Variants in MTHFD2 observed in about 807,000 individuals in gnomAD.
The protein encoded by MTHFD2 is methylenetetrahydrofolate dehydrogenase (NADP+ dependent) 2, methenyltetrahydrofolate cyclohydrolase.
Under a neutral mutation model 36.8 loss-of-function variants are expected in MTHFD2, and 26 were observed. The ratio of observed to expected loss-of-function variants is 0.71; its 90% CI spans 0.52 to 0.98. The LOEUF is 0.98. MTHFD2 is among the 50% of genes least tolerant of loss of function. The probability of loss-of-function intolerance (pLI) is 0.00; values close to 1 mark genes in which losing one functional copy is unlikely to be tolerated. For synonymous variants in MTHFD2, 164 were observed against 155.2 expected (o/e 1.06, Z -0.42); for missense variants, 373 against 434.0 (o/e 0.86, Z 1.25).
chr2:74,214,050 A>C, intron 7 of MTHFD2, 29 bp from the exon 8 acceptor site: 1 of 1,604,850 alleles, frequency 6.2e-7, no homozygotes. Flanking sequence ...CCATAACTAA[A>C]GCAGCCTGCC....
At chr2:74,205,302 G>C (rs1439287632) in intron 1 of MTHFD2, among the ~76,000 whole-genome samples, 1 of 152,160 alleles carries the variant, frequency 6.6e-6, no homozygotes, top group Non-Finnish European at 1.5e-5. Context: ...TCATGGTGAG[G>C]GGTCAAACAA....
At chr2:74,209,382 A>G (rs1291044489) in intron 4 of MTHFD2, among the ~76,000 whole-genome samples, 1 of 151,678 alleles carries the variant, frequency 6.6e-6, no homozygotes, top group African/African-American at 2.4e-5. Context: ...AGCTGGGACT[A>G]CAGGTGCCCA....
rs1199814554 is a variant in MTHFD2 at position 74,215,423 on chromosome 2, A to AT, written c.*1198dup. On this transcript the variant is annotated 3_prime_UTR_variant, in exon 8 of 8. Coordinates refer to ENST00000394053, the MANE Select transcript of MTHFD2 (RefSeq NM_006636.4). ...TTAAATAGATAATTTTTTTTCTTCTATTTTTTTTTTTTTTTTTGTAGAGAT... is the reference window on the plus strand; with the variant it reads ...TTAAATAGATAATTTTTTTTCTTCTATTTTTTTTTTTTTTTTTTGTAGAGAT... 9,408 of 122,048 alleles carry AT rather than the reference A, an allele frequency of 0.077. 1,058 individuals carry two copies. Among genetic ancestry groups the AT allele is most frequent in the African/African-American group, 0.24 (7,820 of 32,280 alleles). 7.6% of individuals were successfully genotyped at this position (122,048 alleles called of 1,614,324 possible).
At chr2:74,207,915 C>A in intron 3 of MTHFD2, 89 bp downstream of exon 3, 1 of 1,287,358 alleles carries the variant, frequency 7.8e-7, no homozygotes, top group South Asian at 1.4e-5. Context: ...CATCCCCCTC[C>A]TCCTCCCTCT....
chr2:74,212,098 T>C (rs1378860258), intron 7 of MTHFD2, among the ~76,000 whole-genome samples: 2 of 148,996 alleles, frequency 1.3e-5, no homozygotes, highest in East Asian at 4.0e-4. Flanking sequence ...TCCCAAAGTG[T>C]TGGGATTATA....
At chr2:74,207,669 A>C (rs1181156077) in intron 2 of MTHFD2, 35 bp from the exon 3 acceptor site, 1 of 1,579,000 alleles carries the variant, frequency 6.3e-7, no homozygotes, top group African/African-American at 1.3e-5. Context: ...TAAATGCCTC[A>C]AAAATTTTTT....
chr2:74,205,712 G>A lies in MTHFD2; in HGVS notation c.109G>A (p.Ala37Thr). ...PFHLAAVRNE[A>T]VVISGRKLAQ... The stretch of plus-strand genomic sequence containing the variant: ...CTCTGTTGCCTTCTGCAGAAATGAA[G>A]CTGTTGTCATTTCTGGAAGGAAACT... Residue 37 changes from alanine to threonine, a missense_variant, in exon 2 of 8, where the codon GCT becomes ACT. Ala to Thr is a moderately conservative substitution (Grantham distance 58). Around this residue, in one of 2 missense-constraint regions of MTHFD2, gnomAD observed 308 missense variants for 397.8 expected, o/e 0.77. Transcript: ENST00000394053. 2 of 1,613,660 alleles carry A rather than the reference G, an allele frequency of 1.2e-6. No individual in the cohort carries two copies. Among genetic ancestry groups the A allele is most frequent in the Non-Finnish European group, 1.7e-6 (2 of 1,179,920 alleles).
chr2:74,212,002 T>C (rs1694315785), intron 7 of MTHFD2, 136 bp downstream of exon 7: 7 of 722,474 alleles, frequency 9.7e-6, no homozygotes, highest in Non-Finnish European at 1.4e-5. Flanking sequence ...CAGGCTGGAG[T>C]GCAGTGGCGC....
chr2:74,203,610 A>G (rs1231365278), intron 1 of MTHFD2, among the ~76,000 whole-genome samples: 1 of 152,226 alleles, frequency 6.6e-6, no homozygotes, highest in Non-Finnish European at 1.5e-5. Context: ...CCTGGGCAAC[A>G]GAGCAAGACT....
At chr2:74,209,623 C>T (rs933892602) in intron 4 of MTHFD2, among the ~76,000 whole-genome samples, 3 of 151,924 alleles carry the variant, frequency 2.0e-5, no homozygotes, top group Non-Finnish European at 2.9e-5. Flanking sequence ...TCTCAAACTC[C>T]TGGCCTCAAG....
intron 3 of MTHFD2, 117 bp from the exon 4 acceptor site, chr2:74,208,452 A>C (rs1236158602): frequency 8.4e-7 from 1 of 1,188,340 alleles, no homozygotes; most frequent in Non-Finnish European, 1.2e-6. Flanking sequence ...CAGATGAAGT[A>C]CATCTCAGAG....
chr2:74,200,298 C>G (rs1229408070), intron 1 of MTHFD2, among the ~76,000 whole-genome samples: 3 of 152,118 alleles, frequency 2.0e-5, no homozygotes, highest in African/African-American at 7.2e-5. Context: ...CATTCATTAC[C>G]TAAAGAACTG....
intron 1 of MTHFD2, among the ~76,000 whole-genome samples, chr2:74,200,545 C>CT (rs907973919): frequency 2.1e-3 from 294 of 143,276 alleles, no homozygotes; most frequent in African/African-American, 4.9e-3. Context: ...AGTCTGCATT[C>CT]TTTTTTTTTT....
chr2:74,213,348 C>CT (rs1213433189), intron 7 of MTHFD2, among the ~76,000 whole-genome samples: 1 of 135,626 alleles, frequency 7.4e-6, no homozygotes, highest in Non-Finnish European at 1.5e-5. Flanking sequence ...AGGATCTCAG[C>CT]TTACTGCAAC....
At chr2:74,202,924 T>A (rs1694074045) in intron 1 of MTHFD2, among the ~76,000 whole-genome samples, 1 of 152,238 alleles carries the variant, frequency 6.6e-6, no homozygotes, top group Non-Finnish European at 1.5e-5. Flanking sequence ...ATGGGTATAA[T>A]TAAATGCTAT....
chr2:74,205,780 G>C lies in MTHFD2; in HGVS notation c.177G>C (p.Glu59Asp), dbSNP rs1370254474. The C allele has an allele frequency of 6.2e-7, 1 of 1,613,758 alleles. No homozygotes were observed. The highest frequency in any genetic ancestry group is 1.1e-5 in the South Asian group (1 of 91,082). Reference sequence around the variant, plus strand: ...AGGAAGTGCGGCAGGAGGTAGAAGAGTGGGTGGCCTCAGGCAACAAACGGC... The same window carrying C: ...AGGAAGTGCGGCAGGAGGTAGAAGACTGGGTGGCCTCAGGCAACAAACGGC... ...IKQEVRQEVE[E>D]WVASGNKRPH... Residue 59 changes from glutamate (E) to aspartate (D), a missense_variant, in exon 2 of 8, where the codon GAG becomes GAC. Coordinates refer to ENST00000394053, the MANE Select transcript of MTHFD2 (RefSeq NM_006636.4).
chr2:74,208,848 GT>G, intron 4 of MTHFD2, 127 bp downstream of exon 4: 1 of 961,342 alleles, frequency 1.0e-6, no homozygotes, highest in Non-Finnish European at 1.5e-6. Context: ...ACTCCCCAAA[GT>G]TTACCTCTCT....
At position 74,215,809 on chromosome 2, in the gene MTHFD2, A is replaced by T. The variant is rs1480515622; in HGVS notation, c.*1567A>T. ...TTTTTAGTAGAGATGGGGTTTCATC[A>T]CATTGGCCAGGCTGGTCTCAAACTC... On this transcript the variant is annotated 3_prime_UTR_variant, in exon 8 of 8. Coordinates refer to ENST00000394053, the MANE Select transcript of MTHFD2 (RefSeq NM_006636.4). 1 of 152,188 alleles carries T rather than the reference A, an allele frequency of 6.6e-6. No individual in the cohort carries two copies. The highest frequency in any genetic ancestry group is 1.5e-5 in the Non-Finnish European group (1 of 68,116). 9.4% of individuals were successfully genotyped at this position (152,188 alleles called of 1,614,324 possible). A position where few individuals can be genotyped will look rare whatever the true frequency, so the allele number is the denominator to read the frequency against.
intron 4 of MTHFD2, among the ~76,000 whole-genome samples, chr2:74,208,964 C>G (rs1694245088): frequency 6.6e-6 from 1 of 151,712 alleles, no homozygotes; most frequent in African/African-American, 2.4e-5. Context: ...GCCTCTGCCT[C>G]CTGAGTTCAA....
Sources: allele counts gnomAD v4.1 joint callset (sites outside exome capture counted in the v4.1 genomes callset), GRCh38; gene constraint gnomAD v4.1.1; regional missense constraint gnomAD v4.1.1; transcripts MANE v1.5; gene names NCBI Gene and HGNC (gene_info 2026-07-23, HGNC 2026-07-21).